SKAP1: variants seen among roughly 807,000 people sequenced by gnomAD.
The protein encoded by SKAP1 is src kinase-associated phosphoprotein 1.
SKAP1 carries 44 observed loss-of-function variants against 58.5 expected under a neutral mutation model. The observed-to-expected ratio is 0.75, with a 90% confidence interval of 0.59 to 0.97. The LOEUF is 0.97. Among genes scored for constraint, SKAP1 ranks in the 50% least tolerant of loss-of-function variants. The pLI, the probability that SKAP1 is intolerant of heterozygous loss-of-function variation, is 0.00. For synonymous variants in SKAP1, 127 were observed against 149.7 expected, an observed-to-expected ratio of 0.85 and a Z score of 1.11; for missense variants, 390 against 435.2, an observed-to-expected ratio of 0.90 and a Z score of 0.92.
At chr17:48,163,702 A>G (rs2064100515) in intron 10 of SKAP1, among the ~76,000 whole-genome samples, 1 of 152,126 alleles carries the variant, frequency 6.6e-6, no homozygotes, top group South Asian at 2.1e-4. Flanking sequence ...GAGCAGTGAT[A>G]GTATTGGTGG....
At chr17:48,428,457 TG>T (rs1176571099) in intron 1 of SKAP1, among the ~76,000 whole-genome samples, 1 of 152,164 alleles carries the variant, frequency 6.6e-6, no homozygotes, top group Admixed American at 6.5e-5. Context: ...TAAAGGAAGG[TG>T]GCAGGTGCAG....
chr17:48,427,442 C>G (rs1045635418), intron 1 of SKAP1, among the ~76,000 whole-genome samples: 1 of 152,082 alleles, frequency 6.6e-6, no homozygotes, highest in African/African-American at 2.4e-5. Context: ...GCATATACTA[C>G]TTCATGACCT....
At chr17:48,397,750 G>A (rs1386354734) in intron 1 of SKAP1, among the ~76,000 whole-genome samples, 1 of 152,124 alleles carries the variant, frequency 6.6e-6, no homozygotes, top group East Asian at 1.9e-4. Flanking sequence ...ACATGAGAAA[G>A]ACAAATGTCT....
At chr17:48,291,769 C>T (rs1474432426) in intron 4 of SKAP1, among the ~76,000 whole-genome samples, 2 of 151,846 alleles carry the variant, frequency 1.3e-5, no homozygotes, top group Non-Finnish European at 3.0e-5. Context: ...AACAAGTCTG[C>T]CTCATCATTA....
At chr17:48,303,730 A>T (rs2144140698) in intron 4 of SKAP1, among the ~76,000 whole-genome samples, 1 of 152,338 alleles carries the variant, frequency 6.6e-6, no homozygotes, top group East Asian at 1.9e-4. Flanking sequence ...ATTTGACTCC[A>T]ATGGGTATTT....
At chr17:48,382,476 A>G (rs1220125303) in intron 2 of SKAP1, 1 of 152,242 alleles carries the variant, frequency 6.6e-6, no homozygotes, top group East Asian at 1.9e-4. Flanking sequence ...AGCCAGCTTC[A>G]TGCTCCGGAG....
chr17:48,393,421 T>C (rs944221170), intron 2 of SKAP1, among the ~76,000 whole-genome samples: 2 of 152,190 alleles, frequency 1.3e-5, no homozygotes, highest in Non-Finnish European at 2.9e-5. Flanking sequence ...GCTAAAGTGA[T>C]TTGTACTGAA....
chr17:48,210,016 T>C (rs2064852359), intron 4 of SKAP1, among the ~76,000 whole-genome samples: 1 of 152,210 alleles, frequency 6.6e-6, no homozygotes, highest in Non-Finnish European at 1.5e-5. Flanking sequence ...CGAGATATTC[T>C]CATCCACAGT....
intron 10 of SKAP1, chr17:48,162,779 T>C: frequency 2.2e-6 from 1 of 453,032 alleles, no homozygotes; most frequent in Non-Finnish European, 3.9e-6. Context: ...TATTTACAGA[T>C]CACTCCTAGT....
At chr17:48,395,422 C>G (rs1032727326) in intron 2 of SKAP1, among the ~76,000 whole-genome samples, 7 of 152,104 alleles carry the variant, frequency 4.6e-5, no homozygotes, top group Non-Finnish European at 8.8e-5. Context: ...GGGCATTCCT[C>G]TCCCAATTTA....
chr17:48,181,478 T>C (rs1021983425), intron 8 of SKAP1, among the ~76,000 whole-genome samples: 3 of 152,258 alleles, frequency 2.0e-5, no homozygotes, highest in Admixed American at 2.0e-4. Flanking sequence ...TGTTGGTAGA[T>C]GCAATAGTTT....
chr17:48,377,986 CT>C (rs2067172004), intron 2 of SKAP1, among the ~76,000 whole-genome samples: 1 of 152,206 alleles, frequency 6.6e-6, no homozygotes, highest in Non-Finnish European at 1.5e-5. Flanking sequence ...GATGATATTA[CT>C]ATCCACCCAG....
At chr17:48,239,850 C>CAGACAG (rs2065226178) in intron 4 of SKAP1, among the ~76,000 whole-genome samples, 1 of 129,774 alleles carries the variant, frequency 7.7e-6, no homozygotes, top group African/African-American at 3.0e-5. Context: ...GAGAGAGAGA[C>CAGACAG]AGAGAGAGAG....
chr17:48,312,698 T>A (rs576167860), intron 4 of SKAP1, among the ~76,000 whole-genome samples: 8 of 152,286 alleles, frequency 5.3e-5, no homozygotes, highest in Admixed American at 3.9e-4. Flanking sequence ...TTGTCAAGTT[T>A]AAGGGGAAAC....
chr17:48,359,130 CTTTACA>C (rs1372883209), intron 3 of SKAP1, among the ~76,000 whole-genome samples: 3 of 151,656 alleles, frequency 2.0e-5, no homozygotes, highest in African/African-American at 7.3e-5. Flanking sequence ...TTTCTTTTAC[CTTTACA>C]TTATGGAGAA....
the SKAP1 span, among the ~76,000 whole-genome samples, chr17:48,442,295 T>G: frequency 6.6e-6 from 1 of 152,114 alleles, no homozygotes; most frequent in Non-Finnish European, 1.5e-5. Flanking sequence ...GACAACACAG[T>G]TGGTTATTTC....
intron 2 of SKAP1, among the ~76,000 whole-genome samples, chr17:48,371,832 G>A (rs146332195): frequency 0.094 from 13,628 of 144,350 alleles, 975 homozygotes; most frequent in African/African-American, 0.18. Context: ...GCAAGACCCT[G>A]TCTCAAAAAA....
intron 1 of SKAP1, among the ~76,000 whole-genome samples, chr17:48,413,514 C>CAAAAAAAAAAAAAAAAAAA (rs1222640261): frequency 7.0e-5 from 7 of 99,958 alleles, no homozygotes; most frequent in African/African-American, 1.5e-4. Context: ...AACTCCGTCT[C>CAAAAAAAAAAAAAAAAAAA]AAAAAAAAAA....
At chr17:48,341,691 C>T (rs1411405105) in intron 4 of SKAP1, among the ~76,000 whole-genome samples, 1 of 152,110 alleles carries the variant, frequency 6.6e-6, no homozygotes, top group East Asian at 1.9e-4. Context: ...TTCATTACTA[C>T]TCTTTTCCAG....
Sources: gnomAD v4.1 joint callset for allele counts (sites outside exome capture counted in the v4.1 genomes callset) on GRCh38, gnomAD v4.1.1 for gene constraint, MANE v1.5 for transcripts, NCBI Gene and HGNC (gene_info 2026-07-23, HGNC 2026-07-21) for gene names.